ANO4: variants seen among roughly 807,000 people sequenced by gnomAD.
ANO4 encodes anoctamin 4.
ANO4 carries 69 observed loss-of-function variants against 141.9 expected under a neutral mutation model. That is an observed-to-expected ratio of 0.49 (90% CI 0.40 to 0.59). The LOEUF (loss-of-function observed/expected upper bound fraction) is 0.59, where lower values mean the gene tolerates loss of function less well. Among genes scored for constraint, ANO4 ranks in the 20% least tolerant of loss-of-function variants. The pLI, the probability that ANO4 is intolerant of heterozygous loss-of-function variation, is 0.00. For missense variants in ANO4, 894 were observed against 1,162.2 expected, an observed-to-expected ratio of 0.77 and a Z score of 3.36; for synonymous variants, 350 against 394.3, an observed-to-expected ratio of 0.89 and a Z score of 1.33.
Position 101,075,291 on chromosome 12 carries a change from G to A in ANO4, c.1313-3902G>A, listed in dbSNP as rs139684531. ...TCTGAAGTGCAAGTCAGGGCAGAGC[G>A]AGTTGGGCTTATGAGCTTTGCATCG... is the stretch of plus-strand genomic sequence containing the variant. On this transcript the variant is annotated intron_variant, in intron 14 of 27. Transcript: ENST00000392977. 6.6e-3 allele frequency among the ~76,000 whole-genome samples: 1,000 copies of A among 152,270 alleles called. 10 individuals carry two copies. The highest frequency in any genetic ancestry group is 0.023 in the African/African-American group (954 of 41,556).
intron 9 of ANO4, among the ~76,000 whole-genome samples, chr12:101,032,054 A>G (rs916489317): frequency 4.6e-5 from 7 of 152,256 alleles, no homozygotes; most frequent in Admixed American, 3.9e-4. Flanking sequence ...ACTACCATTG[A>G]CATTCTTCAC....
intron 1 of ANO4, among the ~76,000 whole-genome samples, chr12:100,801,753 T>A (rs1221331286): frequency 9.3e-5 from 2 of 21,420 alleles, no homozygotes; most frequent in South Asian, 1.7e-3. Context: ...GGCTGGGGGG[T>A]GGGGTGGAGG....
chr12:101,059,000 G>T (rs1033784691), intron 14 of ANO4, among the ~76,000 whole-genome samples: 9 of 152,090 alleles, frequency 5.9e-5, no homozygotes, highest in African/African-American at 2.2e-4. Flanking sequence ...CTGTGGGTTT[G>T]TCATAAATAG....
chr12:100,722,286 A>G (rs933514167), intron 1 of ANO4, among the ~76,000 whole-genome samples: 4 of 152,010 alleles, frequency 2.6e-5, no homozygotes, highest in African/African-American at 4.8e-5. Context: ...TGGCCTCCCA[A>G]CTGGTTCCTC....
chr12:101,057,944 A>G (rs954080007), intron 14 of ANO4, among the ~76,000 whole-genome samples: 1 of 152,170 alleles, frequency 6.6e-6, no homozygotes, highest in African/African-American at 2.4e-5. Flanking sequence ...GCCCATGCCT[A>G]TGTCCTGAAT....
intron 2 of ANO4, among the ~76,000 whole-genome samples, chr12:100,910,217 A>T (rs980562224): frequency 6.6e-6 from 1 of 152,174 alleles, no homozygotes; most frequent in Non-Finnish European, 1.5e-5. Flanking sequence ...TAAATGGTTG[A>T]TAAATAAAGA....
chr12:101,048,429 A>T (rs759292743), intron 14 of ANO4, 28 bp downstream of exon 14: 39 of 1,593,578 alleles, frequency 2.4e-5, no homozygotes, highest in Non-Finnish European at 3.4e-6. Flanking sequence ...ATAAAACTTG[A>T]GTTTTCCTCA....
At position 100,951,484 on chromosome 12, in the gene ANO4, C is replaced by T. The variant is rs144473628; in HGVS notation, c.456+8949C>T. On this transcript the variant is annotated intron_variant, in intron 5 of 27. Transcript: ENST00000392977. Reference sequence around the variant, plus strand: ...TAAAGAAAACATAGTACTTACACATCATAGAATACTATGCAGCTATTAAAA... The same window carrying T: ...TAAAGAAAACATAGTACTTACACATTATAGAATACTATGCAGCTATTAAAA... Among the ~76,000 whole-genome samples the T allele has an allele frequency of 4.6e-5, 7 of 152,308 alleles. No individual in the cohort carries two copies. The East Asian group carries it at 1.3e-3, about 29-fold the overall frequency.
At chr12:101,107,463 TA>T (rs1372226080) in intron 22 of ANO4, among the ~76,000 whole-genome samples, 16 of 152,186 alleles carry the variant, frequency 1.1e-4, no homozygotes, top group African/African-American at 3.6e-4. Flanking sequence ...AGGTAGTAGT[TA>T]ATTACAATTA....
chr12:100,809,813 A>G (rs943925195), intron 1 of ANO4, among the ~76,000 whole-genome samples: 4 of 152,214 alleles, frequency 2.6e-5, no homozygotes, highest in African/African-American at 9.7e-5. Context: ...GTAGAAGGGT[A>G]TGGGTATAAA....
At chr12:100,722,769 T>A (rs923960048) in intron 1 of ANO4, among the ~76,000 whole-genome samples, 2 of 152,174 alleles carry the variant, frequency 1.3e-5, no homozygotes, top group African/African-American at 4.8e-5. Context: ...AGGGAGTGAA[T>A]GGAGTATAGT....
At chr12:101,057,638 G>T (rs1467054180) in intron 14 of ANO4, among the ~76,000 whole-genome samples, 1 of 152,074 alleles carries the variant, frequency 6.6e-6, no homozygotes, top group East Asian at 1.9e-4. Flanking sequence ...TTTTTCATAT[G>T]TTTGTTGCCT....
intron 11 of ANO4, among the ~76,000 whole-genome samples, chr12:101,041,454 T>G (rs1047354324): frequency 6.6e-6 from 1 of 152,234 alleles, no homozygotes; most frequent in Non-Finnish European, 1.5e-5. Flanking sequence ...GTTACAGGAT[T>G]ACATTGATTA....
intron 14 of ANO4, among the ~76,000 whole-genome samples, chr12:101,073,566 T>TATAATAATAATAATAATA (rs55723203): frequency 0.015 from 2,149 of 143,594 alleles, 33 homozygotes; most frequent in East Asian, 0.032. Flanking sequence ...GAACTTAAAG[T>TATAATAATAATAATAATA]ATAATAATAA....
intron 2 of ANO4, among the ~76,000 whole-genome samples, chr12:100,736,215 G>A (rs1429897196): frequency 6.6e-6 from 1 of 152,176 alleles, no homozygotes; most frequent in African/African-American, 2.4e-5. Flanking sequence ...TCTCTTTTAA[G>A]GTGCTTTTTT....
chr12:100,964,599 C>T (rs2043570109), intron 5 of ANO4, among the ~76,000 whole-genome samples: 1 of 152,090 alleles, frequency 6.6e-6, no homozygotes, highest in Non-Finnish European at 1.5e-5. Context: ...CAGATAGTTA[C>T]CTAAGGGGAT....
intron 1 of ANO4, among the ~76,000 whole-genome samples, chr12:100,837,584 T>A (rs900653332): frequency 6.6e-6 from 1 of 152,038 alleles, no homozygotes; most frequent in African/African-American, 2.4e-5. Context: ...GAGACCAGCC[T>A]GGGCAACATA....
chr12:100,745,530 C>T (rs1018656983), intron 3 of ANO4, among the ~76,000 whole-genome samples: 5 of 152,086 alleles, frequency 3.3e-5, no homozygotes, highest in African/African-American at 1.2e-4. Flanking sequence ...TTTCTATGAC[C>T]ATTGAAACTG....
intron 8 of ANO4, among the ~76,000 whole-genome samples, chr12:101,005,576 G>A (rs1165400913): frequency 6.6e-6 from 1 of 152,168 alleles, no homozygotes; most frequent in Non-Finnish European, 1.5e-5. Context: ...TGTAAGGTAT[G>A]TGATTCTGAG....
Sources: allele counts gnomAD v4.1 joint callset (sites outside exome capture counted in the v4.1 genomes callset), GRCh38; gene constraint gnomAD v4.1.1; transcripts MANE v1.5; gene names NCBI Gene and HGNC (gene_info 2026-07-23, HGNC 2026-07-21).